The following LAMP1 variants were observed in gnomAD, a reference collection of about 807,000 sequenced individuals.
LAMP1 encodes the protein lysosome-associated membrane glycoprotein 1.
In LAMP1, 7 loss-of-function variants were observed where a neutral mutation model predicts 37.5. That is an observed-to-expected ratio of 0.19 (90% CI 0.11 to 0.35). LAMP1 has a LOEUF of 0.35. LAMP1 is among the 10% of genes least tolerant of loss of function. The pLI is 1.00. For synonymous variants in LAMP1, 236 were observed against 229.1 expected (o/e 1.03, Z -0.27); for missense variants, 537 against 552.8 (o/e 0.97, Z 0.29).
intron 1 of LAMP1, among the ~76,000 whole-genome samples, chr13:113,301,972 C>T: frequency 6.8e-6 from 1 of 146,234 alleles, no homozygotes; most frequent in East Asian, 2.7e-4. Context: ...ACGCCATTCT[C>T]CTGCCTCAGC....
intron 2 of LAMP1, among the ~76,000 whole-genome samples, chr13:113,308,256 T>C (rs1281625850): frequency 6.6e-6 from 1 of 151,462 alleles, no homozygotes; most frequent in Non-Finnish European, 1.5e-5. Flanking sequence ...CCTCAAGTGA[T>C]CTGCCCACCT....
intron 1 of LAMP1, among the ~76,000 whole-genome samples, chr13:113,298,451 T>C (rs1419688714): frequency 1.4e-5 from 2 of 144,054 alleles, no homozygotes; most frequent in Non-Finnish European, 3.0e-5. Context: ...TTATCTTAAA[T>C]GCCAGGATCT....
At position 113,297,566 on chromosome 13, in the gene LAMP1, G is replaced by A. The variant is rs917301550; in HGVS notation, c.61+71G>A. On this transcript the variant is annotated intron_variant, in intron 1 of 8. Coordinates refer to ENST00000332556, the MANE Select transcript of LAMP1 (RefSeq NM_005561.4). The surrounding 1 kb of genome is among the most constrained non-coding windows in gnomAD (Gnocchi z 4.4). ...GCCGAGGTCCCTGGGTCTTGAGGGCGGGGGACTGCCGGGTCGTTGTCCCGC... is the reference window on the plus strand; with the variant it reads ...GCCGAGGTCCCTGGGTCTTGAGGGCAGGGGACTGCCGGGTCGTTGTCCCGC... 4 of 1,193,846 alleles carry A rather than the reference G, an allele frequency of 3.4e-6. No homozygotes were observed. The African/African-American group carries it at 6.3e-5, about 19-fold the overall frequency. 74.0% of individuals were successfully genotyped at this position (1,193,846 alleles called of 1,614,324 possible).
At chr13:113,322,183 C>T in intron 8 of LAMP1, 99 bp from the exon 9 acceptor site, 2 of 1,379,074 alleles carry the variant, frequency 1.5e-6, no homozygotes, top group Non-Finnish European at 2.0e-6. Context: ...CAGGGTTCCT[C>T]TTTGCCTTTT....
At position 113,321,918 on chromosome 13, in the gene LAMP1, G is replaced by C. The variant is rs1007125082; in HGVS notation, c.1114+191G>C. 45 of 618,284 alleles carry C rather than the reference G, an allele frequency of 7.3e-5. No individual in the cohort carries two copies. Among genetic ancestry groups the C allele is most frequent in the Non-Finnish European group, 1.2e-4 (42 of 355,206 alleles). 38.3% of individuals were successfully genotyped at this position (618,284 alleles called of 1,614,324 possible). On this transcript the variant is annotated intron_variant, in intron 8 of 8. Coordinates refer to ENST00000332556, the MANE Select transcript of LAMP1 (RefSeq NM_005561.4). The surrounding 1 kb of genome is among the most constrained non-coding windows in gnomAD (Gnocchi z 5.6). ...TTAGAGAGGCCCAGCGTGTCTCTCA[G>C]CTGGGAGCCCCTGGTACCATTTGAG...
chr13:113,313,293 G>GA (rs2042641122), intron 4 of LAMP1, among the ~76,000 whole-genome samples: 1 of 152,208 alleles, frequency 6.6e-6, no homozygotes, highest in Non-Finnish European at 1.5e-5. Flanking sequence ...GTTCTTTTGA[G>GA]AAACCTGTTT....
Position 113,309,718 on chromosome 13 carries a change from G to C in LAMP1, c.259G>C (p.Asp87His). The change falls in exon 3 of 9, where the codon GAC (aspartate) becomes CAC (histidine). Residue 87 changes from aspartate (D) to histidine (H), a missense_variant. Asp to His is a moderately conservative substitution (Grantham distance 81). Coordinates refer to ENST00000332556, the MANE Select transcript of LAMP1 (RefSeq NM_005561.4). ...RSSCGKENTS[D>H]PSLVIAFGRG... ...CTCCTGTGGAAAAGAGAACACTTCTGACCCCAGTCTCGTGATTGCTTTTGG... is the reference window on the plus strand; with the variant it reads ...CTCCTGTGGAAAAGAGAACACTTCTCACCCCAGTCTCGTGATTGCTTTTGG... 1 of 1,614,168 alleles carries C rather than the reference G, an allele frequency of 6.2e-7. No homozygotes were observed.
At position 113,321,390 on chromosome 13, in the gene LAMP1, T is replaced by G; in HGVS notation, c.877-14T>G. 1 of 1,603,534 alleles carries G rather than the reference T, an allele frequency of 6.2e-7. No homozygotes were observed. The highest frequency in any genetic ancestry group is 2.2e-5 in the East Asian group (1 of 44,828). The stretch of plus-strand genomic sequence containing the variant: ...GAATCTGCTCCGTGATTAAAGATCA[T>G]TTTTCTTTTTAAGAATGCAAGTTCT... On this transcript the variant is annotated splice_polypyrimidine_tract_variant and intron_variant, in intron 6 of 8. Transcript: ENST00000332556. The surrounding 1 kb of genome is among the most constrained non-coding windows in gnomAD (Gnocchi z 5.6).
chr13:113,309,563 A>C, intron 2 of LAMP1, 80 bp from the exon 3 acceptor site: 1 of 1,066,712 alleles, frequency 9.4e-7, no homozygotes, highest in Non-Finnish European at 1.4e-6. Flanking sequence ...AGTTTATATC[A>C]GACTTACAGA....
At chr13:113,316,177 G>A (rs143176710) in intron 4 of LAMP1, among the ~76,000 whole-genome samples, 2 of 152,306 alleles carry the variant, frequency 1.3e-5, no homozygotes, top group African/African-American at 4.8e-5. Context: ...TGAGGCTGGA[G>A]TCAGCCAGAT....
At position 113,306,510 on chromosome 13, in the gene LAMP1, A is replaced by G. The variant is rs560950701; in HGVS notation, c.87A>G (p.Ala29=). ...GCCTCATGCATTGTGCGTCAGCAGC[A>G]ATGTTTATGGTGAAAAATGGCAACG... ...LLGLMHCASA[A]MFMVKNGNGT... The change falls in exon 2 of 9, where the codon GCA becomes GCG. Residue 29 remains alanine, a synonymous_variant. Coordinates refer to ENST00000332556, the MANE Select transcript of LAMP1 (RefSeq NM_005561.4). 2.5e-6 allele frequency: 4 copies of G among 1,614,090 alleles called. No homozygotes were observed. The highest frequency in any genetic ancestry group is 3.4e-6 in the Non-Finnish European group (4 of 1,179,976).
intron 1 of LAMP1, among the ~76,000 whole-genome samples, chr13:113,299,962 T>TAA (rs57394818): frequency 2.0e-4 from 30 of 152,186 alleles, no homozygotes; most frequent in African/African-American, 7.2e-4. Context: ...CCTTTTTTCT[T>TAA]AAAAAAAGAA....
chr13:113,311,548 G>T (rs138622835), intron 4 of LAMP1, among the ~76,000 whole-genome samples: 7 of 152,180 alleles, frequency 4.6e-5, no homozygotes, highest in Non-Finnish European at 8.8e-5. Flanking sequence ...TCTCCATCCA[G>T]CTCTGGCCGG....
intron 2 of LAMP1, among the ~76,000 whole-genome samples, chr13:113,307,085 C>T (rs532269165): frequency 2.2e-4 from 34 of 151,782 alleles, no homozygotes; most frequent in East Asian, 1.6e-3. Context: ...GTGATCCACC[C>T]GCCTTGGCCT....
At chr13:113,312,131 G>T (rs1356970656) in intron 4 of LAMP1, among the ~76,000 whole-genome samples, 1 of 152,162 alleles carries the variant, frequency 6.6e-6, no homozygotes, top group African/African-American at 2.4e-5. Flanking sequence ...TCCACAGGAG[G>T]ATCGTCCGTC....
At chr13:113,318,716 G>A (rs2042680061) in intron 4 of LAMP1, among the ~76,000 whole-genome samples, 1 of 151,850 alleles carries the variant, frequency 6.6e-6, no homozygotes, top group African/African-American at 2.4e-5. Flanking sequence ...CCTGAACTGT[G>A]CCCTCTTGTC....
At chr13:113,307,149 A>G (rs78520254) in intron 2 of LAMP1, among the ~76,000 whole-genome samples, 6 of 95,530 alleles carry the variant, frequency 6.3e-5, no homozygotes, top group Non-Finnish European at 8.5e-5. Context: ...TATCATCAAC[A>G]TTTTTCTAGT....
At chr13:113,315,181 C>T (rs866598003) in intron 4 of LAMP1, among the ~76,000 whole-genome samples, 1,010 of 59,746 alleles carry the variant, frequency 0.017, 7 homozygotes, top group African/African-American at 0.042. Flanking sequence ...CGTGGCCTCC[C>T]GGAGGGAGTC....
At chr13:113,300,502 A>AG (rs199622204) in intron 1 of LAMP1, among the ~76,000 whole-genome samples, 5,511 of 149,870 alleles carry the variant, frequency 0.037, 332 homozygotes, top group East Asian at 0.13. Context: ...AAAAAAAAAA[A>AG]AAAGAAAAAG....
Sources: allele counts gnomAD v4.1 joint callset (sites outside exome capture counted in the v4.1 genomes callset), GRCh38; gene constraint gnomAD v4.1.1; non-coding constraint Gnocchi (gnomAD v3.1); transcripts MANE v1.5; gene names NCBI Gene and HGNC (gene_info 2026-07-23, HGNC 2026-07-21).